SPATS2: variants seen among roughly 807,000 people sequenced by gnomAD.
The protein encoded by SPATS2 is spermatogenesis associated serine rich 2.
In SPATS2, 38 loss-of-function variants were observed where a neutral mutation model predicts 63.7. The ratio of observed to expected loss-of-function variants is 0.60; its 90% CI spans 0.46 to 0.78. The LOEUF is 0.78. Among genes scored for constraint, SPATS2 ranks in the 30% least tolerant of loss-of-function variants. The pLI, the probability that SPATS2 is intolerant of heterozygous loss-of-function variation, is 0.00. For missense variants in SPATS2, 588 were observed against 666.2 expected (o/e 0.88, Z 1.29); for synonymous variants, 207 against 232.9 (o/e 0.89, Z 1.01).
chr12:49,443,925 C>G (rs1438884267), intron 2 of SPATS2, among the ~76,000 whole-genome samples: 1 of 152,146 alleles, frequency 6.6e-6, no homozygotes, highest in Non-Finnish European at 1.5e-5. Context: ...AGTGGAAGTC[C>G]TCCAAAATTT....
rs1010700610 is a variant in SPATS2 at position 49,404,935 on chromosome 12, A to G, written c.-244+33645A>G. On this transcript the variant is annotated intron_variant, in intron 2 of 13. Coordinates refer to ENST00000552918, the MANE Select transcript of SPATS2 (RefSeq NM_023071.4). ...ACACATGAAAATTATATTAAATTCAAATATCAGTGTCCCTGAAAAAAACTT... is the reference window on the plus strand; with the variant it reads ...ACACATGAAAATTATATTAAATTCAGATATCAGTGTCCCTGAAAAAAACTT... 4.6e-5 allele frequency among the ~76,000 whole-genome samples: 7 copies of G among 152,334 alleles called. No individual in the cohort carries two copies. The South Asian group carries it at 1.2e-3, about 27-fold the overall frequency.
intron 2 of SPATS2, among the ~76,000 whole-genome samples, chr12:49,426,370 T>G (rs1005915022): frequency 6.6e-6 from 1 of 152,182 alleles, no homozygotes; most frequent in Non-Finnish European, 1.5e-5. Context: ...TATTCTGATT[T>G]ATATCACAAG....
At chr12:49,488,359 A>G (rs1004216003) in intron 4 of SPATS2, among the ~76,000 whole-genome samples, 1 of 151,960 alleles carries the variant, frequency 6.6e-6, no homozygotes, top group East Asian at 1.9e-4. Context: ...TTTTAGTCTC[A>G]AAAAATATGA....
chr12:49,496,242 T>C (rs991800398), intron 7 of SPATS2, among the ~76,000 whole-genome samples: 5 of 152,198 alleles, frequency 3.3e-5, no homozygotes, highest in African/African-American at 9.7e-5. Context: ...TCCTAACTTA[T>C]TACACTTCTA....
chr12:49,430,901 T>C (rs1197172713), intron 2 of SPATS2, among the ~76,000 whole-genome samples: 1 of 152,092 alleles, frequency 6.6e-6, no homozygotes, highest in Admixed American at 6.5e-5. Flanking sequence ...AGTTTCACCA[T>C]GTTGGCCGGG....
intron 2 of SPATS2, among the ~76,000 whole-genome samples, chr12:49,417,560 A>G (rs1428123179): frequency 6.6e-6 from 1 of 152,184 alleles, no homozygotes; most frequent in African/African-American, 2.4e-5. Flanking sequence ...AATATTCAGA[A>G]AAGGTGATTT....
At chr12:49,494,387 A>G (rs1283773019) in intron 6 of SPATS2, among the ~76,000 whole-genome samples, 3 of 152,012 alleles carry the variant, frequency 2.0e-5, no homozygotes, top group Non-Finnish European at 4.4e-5. Context: ...ATTTTTTTCT[A>G]TGGGATTATT....
intron 2 of SPATS2, among the ~76,000 whole-genome samples, chr12:49,416,020 CTT>C (rs774706596): frequency 1.1e-3 from 148 of 136,962 alleles, no homozygotes; most frequent in Admixed American, 1.5e-3. Flanking sequence ...AAACATTTTA[CTT>C]TTTTTTTTTT....
intron 2 of SPATS2, among the ~76,000 whole-genome samples, chr12:49,388,533 T>C (rs1425351795): frequency 6.6e-6 from 1 of 151,536 alleles, no homozygotes; most frequent in African/African-American, 2.4e-5. Context: ...GCCACCATGC[T>C]GGACTAATTT....
rs559317641 is a variant in SPATS2 at position 49,461,290 on chromosome 12, A to G, written c.25+253A>G. ...AGATGCATTTTTGAATACTGAACAT[A>G]TGTTAGGGAGATGTGTTAAGAGGGC... On this transcript the variant is annotated intron_variant, in intron 3 of 13. Transcript: ENST00000552918. The G allele has an allele frequency of 1.3e-5, 6 of 446,966 alleles. No homozygotes were observed. In the South Asian group the frequency reaches 1.9e-4, roughly 14 times the overall value. The allele number at this position is 446,966 out of a possible 1,614,324, so 27.7% of individuals were successfully genotyped here. A position where few individuals can be genotyped will look rare whatever the true frequency, so the allele number is the denominator to read the frequency against.
At chr12:49,490,458 G>T in intron 5 of SPATS2, 1 of 525,408 alleles carries the variant, frequency 1.9e-6, no homozygotes, top group African/African-American at 1.9e-5. Context: ...AGAACTTACT[G>T]AGGAAATTAC....
chr12:49,505,369 T>C (rs1946639749), intron 9 of SPATS2, among the ~76,000 whole-genome samples: 1 of 152,190 alleles, frequency 6.6e-6, no homozygotes, highest in Non-Finnish European at 1.5e-5. Flanking sequence ...TATTTTTTTA[T>C]TTAAAATTTA....
rs1309364160 is a variant in SPATS2, at chr12:49,496,933, C to T, written c.627C>T (p.Leu209=). 1.2e-6 allele frequency: 2 copies of T among 1,611,446 alleles called. No individual in the cohort carries two copies. The highest frequency in any genetic ancestry group is 1.7e-6 in the Non-Finnish European group (2 of 1,179,206). Reference sequence around the variant, plus strand: ...AACCCAGGAATGCTGCCAAATCTCTCTCAAGACCTACCACAGAAACTCAGT... The same window carrying T: ...AACCCAGGAATGCTGCCAAATCTCTTTCAAGACCTACCACAGAAACTCAGT... ...SQQPRNAAKS[L]SRPTTETQFS... Residue 209 remains leucine (L), a synonymous_variant, in exon 8 of 14, where the codon CTC becomes CTT. Coordinates refer to ENST00000552918, the MANE Select transcript of SPATS2 (RefSeq NM_023071.4).
At chr12:49,448,041 T>G (rs1184954180) in intron 2 of SPATS2, among the ~76,000 whole-genome samples, 1 of 151,848 alleles carries the variant, frequency 6.6e-6, no homozygotes, top group African/African-American at 2.4e-5. Context: ...AAACTCAAGC[T>G]ATAGATTGAA....
chr12:49,403,642 AAC>A (rs961649440), intron 2 of SPATS2, among the ~76,000 whole-genome samples: 7 of 118,072 alleles, frequency 5.9e-5, no homozygotes, highest in African/African-American at 1.9e-4. Flanking sequence ...CACACACACA[AAC>A]AAAACTGGAA....
intron 10 of SPATS2, among the ~76,000 whole-genome samples, chr12:49,515,124 C>T (rs1946816892): frequency 6.6e-6 from 1 of 152,138 alleles, no homozygotes; most frequent in African/African-American, 2.4e-5. Context: ...GTTCAAGATA[C>T]CAGGTTTCTT....
intron 2 of SPATS2, among the ~76,000 whole-genome samples, chr12:49,380,777 A>G (rs10875952): frequency 0.28 from 42,013 of 151,908 alleles, 8,239 homozygotes; most frequent in East Asian, 0.85. Flanking sequence ...CCTACTGTGA[A>G]GAAGGTTACT....
At chr12:49,402,015 C>T (rs966148983) in intron 2 of SPATS2, among the ~76,000 whole-genome samples, 10 of 152,168 alleles carry the variant, frequency 6.6e-5, no homozygotes, top group African/African-American at 1.9e-4. Context: ...CTCGCTCTGT[C>T]GCCCAGGCTG....
chr12:49,408,442 A>G (rs1944734931), intron 2 of SPATS2, among the ~76,000 whole-genome samples: 1 of 151,166 alleles, frequency 6.6e-6, no homozygotes, highest in African/African-American at 2.4e-5. Flanking sequence ...TAGTAGAGAC[A>G]GGGTTTTGCC....
Sources: allele counts gnomAD v4.1 joint callset (sites outside exome capture counted in the v4.1 genomes callset), GRCh38; gene constraint gnomAD v4.1.1; transcripts MANE v1.5; gene names NCBI Gene and HGNC (gene_info 2026-07-23, HGNC 2026-07-21).